Variants in OR51B5 observed in about 807,000 individuals in gnomAD.
OR51B5 encodes the protein olfactory receptor 51B5.
For missense variants in OR51B5, 456 were observed against 374.6 expected (o/e 1.22, Z -1.79); for synonymous variants, 186 against 144.8 (o/e 1.28, Z -2.04).
At chr11:5,388,390 T>G (rs1454664694) in intron 1 of OR51B5, among the ~76,000 whole-genome samples, 1 of 151,372 alleles carries the variant, frequency 6.6e-6, no homozygotes, top group African/African-American at 2.4e-5. Context: ...CAAACTAAAC[T>G]TGGGGAATTT....
intron 1 of OR51B5, among the ~76,000 whole-genome samples, chr11:5,356,500 T>C (rs1849197370): frequency 6.8e-6 from 1 of 146,560 alleles, no homozygotes; most frequent in African/African-American, 2.6e-5. Context: ...CTATATCTGA[T>C]TGGTGTACCT....
chr11:5,368,628 CT>C (rs34648493), intron 1 of OR51B5, among the ~76,000 whole-genome samples: 41,230 of 151,988 alleles, frequency 0.27, 5,864 homozygotes, highest in African/African-American at 0.33. Flanking sequence ...AACATAAAGA[CT>C]TTGTGTTTTA....
intron 1 of OR51B5, among the ~76,000 whole-genome samples, chr11:5,356,335 G>T (rs1162445182): frequency 4.6e-5 from 7 of 151,948 alleles, no homozygotes; most frequent in African/African-American, 1.7e-4. Context: ...GAATGCACAA[G>T]ACTCAGTAGC....
At chr11:5,449,141 T>C (rs946748584) in intron 1 of OR51B5, among the ~76,000 whole-genome samples, 1 of 152,186 alleles carries the variant, frequency 6.6e-6, no homozygotes, top group Non-Finnish European at 1.5e-5. Flanking sequence ...GTCTGACAGA[T>C]TGCTAAGTTC....
chr11:5,366,076 G>T (rs71488544), intron 1 of OR51B5, among the ~76,000 whole-genome samples: 21,987 of 152,156 alleles, frequency 0.14, 2,091 homozygotes, highest in Non-Finnish European at 0.21. Context: ...GTTAATGGAA[G>T]AGTTGCTGAG....
chr11:5,442,057 G>T (rs16931034), intron 1 of OR51B5, among the ~76,000 whole-genome samples: 1 of 151,926 alleles, frequency 6.6e-6, no homozygotes, highest in East Asian at 1.9e-4. Flanking sequence ...TCTCATGCCC[G>T]TGCACTTGCT....
intron 1 of OR51B5, chr11:5,453,557 T>C (rs1850890819): frequency 3.7e-6 from 6 of 1,609,730 alleles, no homozygotes; most frequent in African/African-American, 1.3e-5. Flanking sequence ...TGGAGAGCTC[T>C]CACTCCTGGC....
intron 1 of OR51B5, among the ~76,000 whole-genome samples, chr11:5,418,024 T>C (rs1251630192): frequency 4.4e-5 from 2 of 45,748 alleles, no homozygotes; most frequent in Non-Finnish European, 1.5e-4. Flanking sequence ...TGTCCAATAA[T>C]GATAGACTAA....
chr11:5,343,051 G>T, exon 1 of OR51B5: 1 of 1,613,552 alleles, frequency 6.2e-7, no homozygotes, highest in Non-Finnish European at 8.5e-7. Context: ...AGAGGGGCCT[G>T]ATTGGGGGAA....
intron 1 of OR51B5, among the ~76,000 whole-genome samples, chr11:5,484,747 C>G (rs1027886553): frequency 6.6e-6 from 1 of 152,202 alleles, no homozygotes. Flanking sequence ...AGTAGCAAAC[C>G]TGGGCCTTGG....
chr11:5,420,384 T>G (rs1850314877), intron 1 of OR51B5, among the ~76,000 whole-genome samples: 1 of 152,154 alleles, frequency 6.6e-6, no homozygotes, highest in Admixed American at 6.5e-5. Context: ...CATTTTTGGA[T>G]GCAGTTGAAC....
intron 1 of OR51B5, among the ~76,000 whole-genome samples, chr11:5,437,141 A>G (rs1850605630): frequency 6.6e-6 from 1 of 152,142 alleles, no homozygotes; most frequent in South Asian, 2.1e-4. Context: ...CTCTCCACTG[A>G]TAAAATGAAA....
chr11:5,360,256 G>T (rs1421101198), intron 1 of OR51B5, among the ~76,000 whole-genome samples: 1 of 151,914 alleles, frequency 6.6e-6, no homozygotes, highest in African/African-American at 2.4e-5. Context: ...CCGACAAAGG[G>T]CTAATATCCA....
chr11:5,410,828 A>C lies in OR51B5; in HGVS notation n.85-63918T>G, dbSNP rs562362423. ...TGTGTCCATGTCTTAATTTTTAACA[A>C]AAATGTTTAAAAAGTAAAAACAAAT... is the stretch of plus-strand genomic sequence containing the variant. On this transcript the variant is annotated intron_variant and non_coding_transcript_variant, in intron 1 of 4. Transcript: ENST00000415970. Among the ~76,000 whole-genome samples the C allele has an allele frequency of 4.3e-3, 658 of 152,278 alleles. 2 individuals are homozygous for C. The highest frequency in any genetic ancestry group is 7.3e-3 in the Non-Finnish European group (494 of 67,994).
intron 1 of OR51B5, among the ~76,000 whole-genome samples, chr11:5,436,274 A>C (rs1344696499): frequency 6.6e-6 from 1 of 152,192 alleles, no homozygotes; most frequent in African/African-American, 2.4e-5. Flanking sequence ...TTCATGTAAG[A>C]AACACTTTTC....
At chr11:5,478,550 A>T (rs1386566903) in intron 1 of OR51B5, among the ~76,000 whole-genome samples, 3 of 150,706 alleles carry the variant, frequency 2.0e-5, no homozygotes, top group Admixed American at 2.0e-4. Context: ...GCTTCAGACG[A>T]TCAAATTACT....
intron 1 of OR51B5, among the ~76,000 whole-genome samples, chr11:5,363,762 A>T (rs556213043): frequency 1.2e-4 from 18 of 152,194 alleles, no homozygotes; most frequent in Non-Finnish European, 2.2e-4. Context: ...TAGCATTTTC[A>T]TGAGGATTCT....
At chr11:5,388,643 A>G (rs1186004748) in intron 1 of OR51B5, among the ~76,000 whole-genome samples, 2 of 150,998 alleles carry the variant, frequency 1.3e-5, no homozygotes, top group Non-Finnish European at 2.9e-5. Flanking sequence ...ATATACACGG[A>G]GAGAAAATAA....
intron 1 of OR51B5, among the ~76,000 whole-genome samples, chr11:5,437,459 T>G (rs952764461): frequency 2.6e-5 from 4 of 152,132 alleles, no homozygotes; most frequent in Non-Finnish European, 5.9e-5. Context: ...CCTCCTGAAC[T>G]CCCACTCCCA....
Sources: allele counts gnomAD v4.1 joint callset (sites outside exome capture counted in the v4.1 genomes callset), GRCh38; gene constraint gnomAD v4.1.1; transcripts MANE v1.5; gene names NCBI Gene and HGNC (gene_info 2026-07-23, HGNC 2026-07-21).